Variants in HHAT observed in about 807,000 individuals in gnomAD.
The protein encoded by HHAT is hedgehog acyltransferase, also known as protein-cysteine N-palmitoyltransferase HHAT.
HHAT carries 47 observed loss-of-function variants against 70.8 expected under a neutral mutation model. The observed-to-expected ratio is 0.66, with a 90% CI of 0.53 to 0.85. The LOEUF (loss-of-function observed/expected upper bound fraction) is 0.85, where lower values mean the gene tolerates loss of function less well. HHAT is among the 40% of genes least tolerant of loss of function. The probability of loss-of-function intolerance (pLI) is 0.00; values close to 1 mark genes in which losing one functional copy is unlikely to be tolerated. For missense variants in HHAT, 609 were observed against 604.8 expected, an observed-to-expected ratio of 1.01 and a Z score of -0.07; for synonymous variants, 228 against 247.6, an observed-to-expected ratio of 0.92 and a Z score of 0.74.
intron 9 of HHAT, among the ~76,000 whole-genome samples, chr1:210,574,810 C>T (rs1437553112): frequency 6.6e-6 from 1 of 152,224 alleles, no homozygotes; most frequent in Non-Finnish European, 1.5e-5. Context: ...TTGCACTTGT[C>T]CTCAGAGCAC....
chr1:210,400,982 T>A (rs2092041693), intron 5 of HHAT, among the ~76,000 whole-genome samples: 1 of 152,150 alleles, frequency 6.6e-6, no homozygotes, highest in African/African-American at 2.4e-5. Context: ...AAACAGATGA[T>A]TTACTAAAAA....
rs191908101 is a variant in HHAT at position 210,470,934 on chromosome 1, C to G, written c.1007+6279C>G. On this transcript the variant is annotated intron_variant, in intron 8 of 11. Transcript: ENST00000261458. ...AATGGAGCTGGAACCCTGTACCTTT[C>G]ATGGTAATAGTCACACTCTACTTGG... Among the ~76,000 whole-genome samples, 256 of 152,298 alleles carry G rather than the reference C, an allele frequency of 1.7e-3. 1 individual carries two copies. Among genetic ancestry groups the G allele is most frequent in the African/African-American group, 6.0e-3 (248 of 41,560 alleles).
At chr1:210,577,930 GCCA>G (rs1360963136) in intron 9 of HHAT, among the ~76,000 whole-genome samples, 3 of 152,236 alleles carry the variant, frequency 2.0e-5, no homozygotes, top group Admixed American at 6.5e-5. Flanking sequence ...ACAGATGTGA[GCCA>G]CTGCGCCCAG....
At chr1:210,599,672 C>G (rs1487599382) in intron 10 of HHAT, among the ~76,000 whole-genome samples, 5 of 152,160 alleles carry the variant, frequency 3.3e-5, no homozygotes, top group Non-Finnish European at 7.3e-5. Context: ...CCAAGCTGCT[C>G]TCATTTCTTT....
At chr1:210,348,762 T>TG (rs1553317702) in intron 1 of HHAT, among the ~76,000 whole-genome samples, 171 bp from the exon 2 acceptor site, 4 of 150,630 alleles carry the variant, frequency 2.7e-5, no homozygotes, top group African/African-American at 7.3e-5. Flanking sequence ...TGTGTGTGTG[T>TG]TGGATGCAGG....
At chr1:210,660,896 C>T (rs1484589236) in intron 11 of HHAT, among the ~76,000 whole-genome samples, 1 of 152,130 alleles carries the variant, frequency 6.6e-6, no homozygotes, top group Non-Finnish European at 1.5e-5. Context: ...CTTCCTTACA[C>T]CTTATACAAA....
At chr1:210,538,331 G>A (rs1282000417) in intron 9 of HHAT, among the ~76,000 whole-genome samples, 1 of 152,052 alleles carries the variant, frequency 6.6e-6, no homozygotes, top group African/African-American at 2.4e-5. Flanking sequence ...TGTAATGTAA[G>A]GGACTCATCA....
chr1:210,381,041 T>C (rs1276789557), intron 3 of HHAT, among the ~76,000 whole-genome samples: 1 of 151,444 alleles, frequency 6.6e-6, no homozygotes, highest in Admixed American at 6.6e-5. Flanking sequence ...GTAGGGAGCA[T>C]GGAATGGAAG....
chr1:210,603,308 C>T lies in HHAT; in HGVS notation c.1245+15209C>T, dbSNP rs141963732. Among the ~76,000 whole-genome samples, 30 of 152,168 alleles carry T rather than the reference C, an allele frequency of 2.0e-4. 1 individual carries two copies. The East Asian group carries it at 3.5e-3, about 18-fold the overall frequency. On this transcript the variant is annotated intron_variant, in intron 10 of 11. Coordinates refer to ENST00000261458, the MANE Select transcript of HHAT (RefSeq NM_018194.6). ...GTAAATGGTTGAAACTGGCTTTTCTCGGTGGTTTGTGGAGTTTGATTCTTT... is the reference window on the plus strand; with the variant it reads ...GTAAATGGTTGAAACTGGCTTTTCTTGGTGGTTTGTGGAGTTTGATTCTTT...
intron 11 of HHAT, among the ~76,000 whole-genome samples, chr1:210,647,062 A>G (rs1232937596): frequency 6.6e-6 from 1 of 152,154 alleles, no homozygotes; most frequent in Non-Finnish European, 1.5e-5. Flanking sequence ...GGTAACAGAA[A>G]TTTATTCTCT....
intron 11 of HHAT, among the ~76,000 whole-genome samples, chr1:210,658,140 C>T (rs537988688): frequency 2.9e-4 from 44 of 152,192 alleles, no homozygotes; most frequent in Admixed American, 2.1e-3. Flanking sequence ...GCTCTCAGAC[C>T]GGGTTCTACC....
intron 3 of HHAT, among the ~76,000 whole-genome samples, chr1:210,367,913 A>AC (rs1379551739): frequency 6.0e-5 from 4 of 66,340 alleles, no homozygotes; most frequent in Non-Finnish European, 1.2e-4. Context: ...CCCCTCCCCC[A>AC]CCCCCCACCC....
chr1:210,496,541 A>G (rs891852124), intron 8 of HHAT, among the ~76,000 whole-genome samples: 1 of 152,226 alleles, frequency 6.6e-6, no homozygotes, highest in South Asian at 2.1e-4. Flanking sequence ...CAGGGCCATC[A>G]TGGAGACTGG....
chr1:210,556,384 C>G (rs2095572902), intron 9 of HHAT, among the ~76,000 whole-genome samples: 1 of 152,224 alleles, frequency 6.6e-6, no homozygotes, highest in African/African-American at 2.4e-5. Flanking sequence ...CGTCCTCTAG[C>G]TGTGGTCAGT....
At chr1:210,369,978 G>A (rs1214932147) in intron 3 of HHAT, among the ~76,000 whole-genome samples, 1 of 151,934 alleles carries the variant, frequency 6.6e-6, no homozygotes, top group Non-Finnish European at 1.5e-5. Flanking sequence ...GGTTTCAGGT[G>A]CCATTTGTTC....
chr1:210,475,275 G>A (rs941931298), intron 8 of HHAT, among the ~76,000 whole-genome samples: 1 of 152,094 alleles, frequency 6.6e-6, no homozygotes, highest in Non-Finnish European at 1.5e-5. Context: ...CCTTATCCTG[G>A]TTTTCTGGCC....
At chr1:210,642,706 TTTTC>T (rs1673203077) in intron 11 of HHAT, among the ~76,000 whole-genome samples, 1 of 152,222 alleles carries the variant, frequency 6.6e-6, no homozygotes, top group Non-Finnish European at 1.5e-5. Flanking sequence ...TTGATTGGCT[TTTTC>T]TTCTCGATTT....
chr1:210,336,497 C>A (rs1358600706), intron 1 of HHAT, among the ~76,000 whole-genome samples: 2 of 151,892 alleles, frequency 1.3e-5, no homozygotes, highest in African/African-American at 2.4e-5. Flanking sequence ...CTTGAAAGCC[C>A]TAAGGGCTGG....
intron 10 of HHAT, among the ~76,000 whole-genome samples, chr1:210,598,736 C>G (rs932084625): frequency 7.9e-5 from 12 of 152,342 alleles, no homozygotes; most frequent in African/African-American, 2.6e-4. Context: ...GACTGTCTTT[C>G]CTACCCTCTA....
Sources: allele counts gnomAD v4.1 joint callset (sites outside exome capture counted in the v4.1 genomes callset), GRCh38; gene constraint gnomAD v4.1.1; transcripts MANE v1.5; gene names NCBI Gene and HGNC (gene_info 2026-07-23, HGNC 2026-07-21).